The following SMARCE1 variants were observed in gnomAD, a reference collection of about 807,000 sequenced individuals.
The protein encoded by SMARCE1 is SWI/SNF-related matrix-associated actin-dependent regulator of chromatin subfamily E member 1.
A neutral mutation model predicts 54.9 loss-of-function variants in SMARCE1; 13 were observed. The observed-to-expected ratio is 0.24, with a 90% CI of 0.15 to 0.38. SMARCE1 has a LOEUF of 0.38. SMARCE1 is among the 10% of genes least tolerant of loss of function. The pLI is 1.00. For missense variants in SMARCE1, 295 were observed against 523.8 expected (o/e 0.56, Z 4.26); for synonymous variants, 151 against 175.3 (o/e 0.86, Z 1.10).
Position 40,632,337 on chromosome 17 carries a change from G to C in SMARCE1, c.572C>G (p.Thr191Arg). ...DYDDGFSMKHTATARFQRNHR... is the reference protein window; with the variant it reads ...DYDDGFSMKHRATARFQRNHR... ...GTTTCTCTGGAAACGGGCGGTGGCTGTATGCTTCATTGAAAAGCCATCATC... is the reference window on the plus strand; with the variant it reads ...GTTTCTCTGGAAACGGGCGGTGGCTCTATGCTTCATTGAAAAGCCATCATC... The change falls in exon 8 of 11, where the codon ACA becomes AGA. Residue 191 changes from threonine (T) to arginine (R), a missense_variant. Thr to Arg is a moderately conservative substitution (Grantham distance 71, BLOSUM62 -1). Transcript: ENST00000348513. 6.2e-7 allele frequency: 1 copy of C among 1,613,886 alleles called. No individual in the cohort carries two copies. Among genetic ancestry groups the C allele is most frequent in the Non-Finnish European group, 8.5e-7 (1 of 1,179,848 alleles).
intron 5 of SMARCE1, 129 bp downstream of exon 5, chr17:40,637,363 A>C: frequency 1.3e-6 from 1 of 765,434 alleles, no homozygotes; most frequent in South Asian, 1.5e-5. Flanking sequence ...TGCTTTAAAA[A>C]CCGTATTTTT....
intron 1 of SMARCE1, among the ~76,000 whole-genome samples, chr17:40,646,482 A>T (rs186441406): frequency 1.3e-5 from 2 of 152,372 alleles, no homozygotes; most frequent in East Asian, 3.9e-4. Context: ...TTACCTGGGC[A>T]GAATTAACTG....
intron 4 of SMARCE1, among the ~76,000 whole-genome samples, chr17:40,638,415 G>A (rs973144969): frequency 6.6e-6 from 1 of 152,086 alleles, no homozygotes; most frequent in Non-Finnish European, 1.5e-5. Flanking sequence ...AAAGGAGGCG[G>A]AGGGAAGACT....
intron 3 of SMARCE1, chr17:40,643,869 A>C (rs956022531): frequency 6.6e-6 from 1 of 152,374 alleles, no homozygotes; most frequent in Non-Finnish European, 1.5e-5. Context: ...CAAATAAAGC[A>C]TATTTAAGTA....
In SMARCE1 at chr17:40,632,273, C is replaced by A. The variant is rs2143988373; in HGVS notation, c.636G>T (p.Val212=). ...TTGTGACAACTGACCGAACGTCTGG[C>A]ACCACACTCTCACTAAGAATTTCAC... is the stretch of plus-strand genomic sequence containing the variant. ...LISEILSESV[V]PDVRSVVTTA... is the part of the protein sequence containing the mutation. The change falls in exon 8 of 11, where the codon GTG becomes GTT. Residue 212 remains valine (V), a synonymous_variant. Coordinates refer to ENST00000348513, the MANE Select transcript of SMARCE1 (RefSeq NM_003079.5). 6.2e-7 allele frequency: 1 copy of A among 1,613,978 alleles called. No individual in the cohort carries two copies. Among genetic ancestry groups the A allele is most frequent in the Non-Finnish European group, 8.5e-7 (1 of 1,179,876 alleles).
intron 5 of SMARCE1, 123 bp downstream of exon 5, chr17:40,637,368 AT>A (rs1567847545): frequency 6.3e-6 from 5 of 795,832 alleles, no homozygotes; most frequent in Non-Finnish European, 1.1e-5. Context: ...TAAAAACCGT[AT>A]TTTTTTGGAC....
intron 5 of SMARCE1, chr17:40,637,029 C>CAAAAAAAAA (rs398041688): frequency 9.9e-6 from 1 of 101,234 alleles, no homozygotes; most frequent in Non-Finnish European, 1.9e-5. Flanking sequence ...GGCTCATCAC[C>CAAAAAAAAA]AAAAAAAAAA....
Position 40,642,604 on chromosome 17 carries a change from C to A in SMARCE1, c.52-45G>T. ...CAAAAACACGAATGAGAAATGAGCTCAAACGAGGAAAACACAGAAATGAAA... is the reference window on the plus strand; with the variant it reads ...CAAAAACACGAATGAGAAATGAGCTAAAACGAGGAAAACACAGAAATGAAA... On this transcript the variant is annotated intron_variant, in intron 3 of 10. Coordinates refer to ENST00000348513, the MANE Select transcript of SMARCE1 (RefSeq NM_003079.5). This position sits in a 1 kb window ranked among gnomAD's most constrained non-coding sequence, Gnocchi z 4.6. The A allele has an allele frequency of 8.4e-7, 1 of 1,192,560 alleles. No homozygotes were observed. Among genetic ancestry groups the A allele is most frequent in the South Asian group, 1.3e-5 (1 of 79,432 alleles). 73.9% of individuals were successfully genotyped at this position (1,192,560 alleles called of 1,614,324 possible).
chr17:40,631,654 G>A lies in SMARCE1; in HGVS notation c.754C>T (p.His252Tyr). The A allele has an allele frequency of 1.9e-6, 3 of 1,611,408 alleles. No individual in the cohort carries two copies. Among genetic ancestry groups the A allele is most frequent in the East Asian group, 4.5e-5 (2 of 44,798 alleles). Residue 252 changes from histidine (H) to tyrosine (Y), a missense_variant, in exon 9 of 11, where the codon CAC becomes TAC. Physicochemically the swap from His to Tyr is moderately conservative, Grantham distance 83. Coordinates refer to ENST00000348513, the MANE Select transcript of SMARCE1 (RefSeq NM_003079.5). ...EAELLQIEERHQEKKRKFLES... is the reference protein window; with the variant it reads ...EAELLQIEERYQEKKRKFLES... The stretch of plus-strand genomic sequence containing the variant: ...AGGAATTTCCTCTTCTTCTCCTGGT[G>A]TCGTTCCTCTATTTGAAGAAGTTCA...
rs938341394 is a variant in SMARCE1, at chr17:40,642,636, C to T, written c.52-77G>A. The T allele has an allele frequency of 8.0e-6, 7 of 879,560 alleles. No homozygotes were observed. The African/African-American group carries it at 1.2e-4, about 15-fold the overall frequency. 54.5% of individuals were successfully genotyped at this position (879,560 alleles called of 1,614,324 possible). On this transcript the variant is annotated intron_variant, in intron 3 of 10. Coordinates refer to ENST00000348513, the MANE Select transcript of SMARCE1 (RefSeq NM_003079.5). This position sits in a 1 kb window ranked among gnomAD's most constrained non-coding sequence, Gnocchi z 4.6. Reference sequence around the variant, plus strand: ...GGAAAACACAGAAATGAAAAATGATCTGCATATGGCATGCAAAAGCAACCT... The same window carrying T: ...GGAAAACACAGAAATGAAAAATGATTTGCATATGGCATGCAAAAGCAACCT...
intron 1 of SMARCE1, chr17:40,647,171 C>T (rs1279798286): frequency 6.6e-6 from 1 of 152,186 alleles, no homozygotes; most frequent in Admixed American, 6.5e-5. Context: ...AATAAATACC[C>T]GATAAATATT....
In SMARCE1 at chr17:40,626,251, G is replaced by C. The variant is rs1170602011; in HGVS notation, c.*2534C>G. On this transcript the variant is annotated 3_prime_UTR_variant, in exon 11 of 11. Coordinates refer to ENST00000348513, the MANE Select transcript of SMARCE1 (RefSeq NM_003079.5). ...AAAAAAGGAAAATTGGGTGACTATC[G>C]AGGATTCCCCTCTCCCATTTGTTAA... 2.0e-5 allele frequency: 3 copies of C among 151,928 alleles called. No homozygotes were observed. Among genetic ancestry groups the C allele is most frequent in the Admixed American group, 6.6e-5 (1 of 15,228 alleles). 9.4% of individuals were successfully genotyped at this position (151,928 alleles called of 1,614,324 possible).
At chr17:40,637,336 T>A (rs540208562) in intron 5 of SMARCE1, 156 bp downstream of exon 5, 2 of 669,274 alleles carry the variant, frequency 3.0e-6, no homozygotes, top group African/African-American at 3.6e-5. Context: ...TTCTGGAATT[T>A]TGAAATCAGA....
intron 4 of SMARCE1, 43 bp from the exon 5 acceptor site, chr17:40,637,615 T>C (rs2037159200): frequency 6.8e-7 from 1 of 1,475,790 alleles, no homozygotes. Flanking sequence ...CTGTAAGGAG[T>C]TCACTGGCAA....
intron 4 of SMARCE1, chr17:40,637,828 C>T: frequency 2.1e-6 from 1 of 469,262 alleles, no homozygotes; most frequent in East Asian, 4.1e-5. Flanking sequence ...TAAAATATTA[C>T]ACAGTAACCC....
chr17:40,645,222 C>T (rs1486739917), intron 3 of SMARCE1: 2 of 360,526 alleles, frequency 5.5e-6, no homozygotes, highest in East Asian at 4.1e-5. Context: ...TTAGGTTTAA[C>T]AAAATAGCCA....
At chr17:40,634,396 G>A (rs1039395148) in intron 7 of SMARCE1, 3 of 152,520 alleles carry the variant, frequency 2.0e-5, no homozygotes, top group African/African-American at 7.2e-5. Context: ...GTTTCCCAAA[G>A]TATTGGGATT....
chr17:40,639,929 T>A (rs931437548), intron 4 of SMARCE1: 1 of 152,202 alleles, frequency 6.6e-6, no homozygotes, highest in Non-Finnish European at 1.5e-5. Context: ...TTTTGGAGAA[T>A]GTGTTTCCAT....
intron 4 of SMARCE1, among the ~76,000 whole-genome samples, chr17:40,638,101 T>G (rs2037163136): frequency 1.3e-5 from 2 of 152,208 alleles, no homozygotes; most frequent in African/African-American, 4.8e-5. Flanking sequence ...ACAAACCACC[T>G]TACCTCCTTT....
Sources: gnomAD v4.1 joint callset for allele counts (sites outside exome capture counted in the v4.1 genomes callset) on GRCh38, gnomAD v4.1.1 for gene constraint, Gnocchi (gnomAD v3.1) non-coding constraint, MANE v1.5 for transcripts, NCBI Gene and HGNC (gene_info 2026-07-23, HGNC 2026-07-21) for gene names.